GRIK2: variants seen among roughly 807,000 people sequenced by gnomAD.
The protein encoded by GRIK2 is glutamate receptor ionotropic, kainate 2.
Under a neutral mutation model 100.3 loss-of-function variants are expected in GRIK2, and 32 were observed. The observed-to-expected ratio is 0.32, with a 90% CI of 0.24 to 0.43. GRIK2 has a LOEUF of 0.43. Among genes scored for constraint, GRIK2 ranks in the 20% least tolerant of loss-of-function variants. The pLI, the probability that GRIK2 is intolerant of heterozygous loss-of-function variation, is 1.00. For missense variants in GRIK2, 843 were observed against 1,114.9 expected (o/e 0.76, Z 3.47); for synonymous variants, 417 against 389.4 (o/e 1.07, Z -0.83).
At chr6:101,847,692 G>T (rs984840360) in intron 10 of GRIK2, among the ~76,000 whole-genome samples, 1 of 152,056 alleles carries the variant, frequency 6.6e-6, no homozygotes, top group Non-Finnish European at 1.5e-5. Flanking sequence ...CTTCCTGCTT[G>T]CATGGAGCCT....
At chr6:101,830,786 C>A (rs1343875905) in intron 10 of GRIK2, among the ~76,000 whole-genome samples, 1 of 151,750 alleles carries the variant, frequency 6.6e-6, no homozygotes, top group Non-Finnish European at 1.5e-5. Flanking sequence ...ATTAGTTCAG[C>A]CCCTGTAGAA....
chr6:101,648,253 C>T (rs1257714588), intron 4 of GRIK2, among the ~76,000 whole-genome samples: 2 of 151,962 alleles, frequency 1.3e-5, no homozygotes, highest in East Asian at 3.9e-4. Flanking sequence ...AATTGGACTA[C>T]CGATGATTAT....
Position 101,486,829 on chromosome 6 carries a change from G to A in GRIK2, c.115+87437G>A, listed in dbSNP as rs1037953144. Among the ~76,000 whole-genome samples, 4 of 146,684 alleles carry A rather than the reference G, an allele frequency of 2.7e-5. 1 individual carries two copies. Among genetic ancestry groups the A allele is most frequent in the Non-Finnish European group, 3.0e-5 (2 of 66,776 alleles). ...ATTTACAAGTGTCTCTCTCAGTAACGAAGTATATGAAATAGCACCAAGTCC... is the reference window on the plus strand; with the variant it reads ...ATTTACAAGTGTCTCTCTCAGTAACAAAGTATATGAAATAGCACCAAGTCC... On this transcript the variant is annotated intron_variant, in intron 2 of 16. Coordinates refer to ENST00000369134, the MANE Select transcript of GRIK2 (RefSeq NM_021956.5).
intron 4 of GRIK2, among the ~76,000 whole-genome samples, chr6:101,630,895 G>A (rs1049675097): frequency 6.7e-6 from 1 of 150,206 alleles, no homozygotes; most frequent in Non-Finnish European, 1.5e-5. Context: ...TATTTATTAT[G>A]TATGCTGTTG....
intron 2 of GRIK2, among the ~76,000 whole-genome samples, chr6:101,495,214 T>G (rs1222725832): frequency 1.3e-5 from 2 of 151,506 alleles, no homozygotes; most frequent in Non-Finnish European, 2.9e-5. Context: ...GCCTTTAAGT[T>G]GCAGATAAAG....
At chr6:101,624,982 C>G (rs902440959) in intron 3 of GRIK2, among the ~76,000 whole-genome samples, 1 of 152,082 alleles carries the variant, frequency 6.6e-6, no homozygotes, top group Admixed American at 6.6e-5. Flanking sequence ...GTTGCCCAGG[C>G]AGGTCTCGAA....
intron 2 of GRIK2, among the ~76,000 whole-genome samples, chr6:101,562,475 A>G (rs1777066696): frequency 6.6e-6 from 1 of 151,886 alleles, no homozygotes; most frequent in Admixed American, 6.5e-5. Context: ...AGTAGCTGGG[A>G]TTACAGGCAT....
chr6:101,945,721 C>T (rs1296487559), intron 14 of GRIK2, among the ~76,000 whole-genome samples: 2 of 152,094 alleles, frequency 1.3e-5, no homozygotes, highest in Non-Finnish European at 2.9e-5. Context: ...ACAAATAAAT[C>T]AACATAACTC....
intron 14 of GRIK2, among the ~76,000 whole-genome samples, chr6:102,004,675 C>T (rs184707893): frequency 1.1e-3 from 174 of 152,016 alleles, no homozygotes; most frequent in African/African-American, 3.6e-3. Context: ...ATTCCGTCTG[C>T]CCTCTAGTGC....
intron 7 of GRIK2, among the ~76,000 whole-genome samples, chr6:101,793,732 C>G (rs1780071041): frequency 6.6e-6 from 1 of 152,182 alleles, no homozygotes; most frequent in African/African-American, 2.4e-5. Context: ...CCACTGCTCT[C>G]TTCAAAGCTG....
At chr6:101,761,205 C>T (rs1330777762) in intron 7 of GRIK2, among the ~76,000 whole-genome samples, 1 of 152,100 alleles carries the variant, frequency 6.6e-6, no homozygotes, top group Non-Finnish European at 1.5e-5. Context: ...GGGCCACTAT[C>T]TTTGAATTCC....
At chr6:101,615,437 G>A (rs1779846857) in intron 2 of GRIK2, among the ~76,000 whole-genome samples, 1 of 151,704 alleles carries the variant, frequency 6.6e-6, no homozygotes, top group Non-Finnish European at 1.5e-5. Context: ...CCAGATTCTT[G>A]AAAATGTGAA....
chr6:101,940,071 G>GA (rs150004005), intron 14 of GRIK2, among the ~76,000 whole-genome samples: 5,258 of 151,804 alleles, frequency 0.035, 330 homozygotes, highest in African/African-American at 0.12. Context: ...ATGTTTGTGA[G>GA]AAAAAAAATA....
intron 11 of GRIK2, among the ~76,000 whole-genome samples, chr6:101,877,238 G>A (rs545464284): frequency 6.6e-6 from 1 of 151,846 alleles, no homozygotes; most frequent in East Asian, 1.9e-4. Context: ...CATACAGTTG[G>A]CCAGTTGGCC....
intron 7 of GRIK2, among the ~76,000 whole-genome samples, chr6:101,726,235 G>A (rs548096746): frequency 6.6e-6 from 1 of 152,072 alleles, no homozygotes; most frequent in South Asian, 2.1e-4. Context: ...ATTAAAAGTG[G>A]TTGTGCTTGC....
At chr6:101,624,826 G>A (rs541701615) in intron 3 of GRIK2, among the ~76,000 whole-genome samples, 1 of 152,194 alleles carries the variant, frequency 6.6e-6, no homozygotes, top group Admixed American at 6.5e-5. Context: ...CAATGTCCCA[G>A]GCTCAAGTGA....
intron 11 of GRIK2, among the ~76,000 whole-genome samples, chr6:101,869,006 T>A (rs1036420807): frequency 3.3e-5 from 5 of 151,830 alleles, no homozygotes; most frequent in Non-Finnish European, 7.4e-5. Context: ...AGGGAGTATA[T>A]CTAATTTTGT....
chr6:101,953,695 C>T (rs140646249), intron 14 of GRIK2, among the ~76,000 whole-genome samples: 2 of 152,112 alleles, frequency 1.3e-5, no homozygotes, highest in East Asian at 3.9e-4. Context: ...GTTATTTTTC[C>T]ATTCTTGGGT....
intron 7 of GRIK2, among the ~76,000 whole-genome samples, chr6:101,762,853 A>T (rs1777816747): frequency 6.6e-6 from 1 of 152,246 alleles, no homozygotes; most frequent in African/African-American, 2.4e-5. Flanking sequence ...TAAAGTGACC[A>T]TCAAAGTATA....
Sources: allele counts gnomAD v4.1 joint callset (sites outside exome capture counted in the v4.1 genomes callset), GRCh38; gene constraint gnomAD v4.1.1; transcripts MANE v1.5; gene names NCBI Gene and HGNC (gene_info 2026-07-23, HGNC 2026-07-21).